The following LRRTM3 variants were observed in gnomAD, a reference collection of about 807,000 sequenced individuals.
The protein encoded by LRRTM3 is leucine-rich repeat transmembrane neuronal protein 3.
A neutral mutation model predicts 44.7 loss-of-function variants in LRRTM3; 24 were observed. The ratio of observed to expected loss-of-function variants is 0.54; its 90% confidence interval spans 0.39 to 0.76. The LOEUF (loss-of-function observed/expected upper bound fraction) is 0.76, where lower values mean the gene tolerates loss of function less well. LRRTM3 is among the 30% of genes least tolerant of loss of function. LRRTM3 has a pLI of 0.00. For missense variants in LRRTM3, 587 were observed against 702.2 expected (o/e 0.84, Z 1.85); for synonymous variants, 277 against 278.7 (o/e 0.99, Z 0.06).
chr10:66,939,216 T>C (rs1847875293), intron 2 of LRRTM3, among the ~76,000 whole-genome samples: 1 of 152,208 alleles, frequency 6.6e-6, no homozygotes, highest in Non-Finnish European at 1.5e-5. Context: ...GCATGTTAGA[T>C]CATACAGAAC....
At chr10:67,048,904 T>C (rs938940528) in intron 2 of LRRTM3, among the ~76,000 whole-genome samples, 6 of 152,162 alleles carry the variant, frequency 3.9e-5, no homozygotes, top group Non-Finnish European at 1.5e-5. Context: ...CTGCTGAAGT[T>C]TCACTCATAC....
rs553195497 is a variant in LRRTM3, at chr10:66,961,554, G to T, written c.1536+33102G>T. Among the ~76,000 whole-genome samples the T allele has an allele frequency of 1.8e-3, 278 of 152,060 alleles. 1 individual carries two copies. The highest frequency in any genetic ancestry group is 3.5e-3 in the Non-Finnish European group (240 of 67,966). ...ACCTCTTAATGTTGGGGTGTCCCAG[G>T]TTAGCCCTTGGACCTTCTCTTTTGT... On this transcript the variant is annotated intron_variant, in intron 2 of 2. Transcript: ENST00000361320.
chr10:67,054,393 T>A (rs1420580101), intron 2 of LRRTM3, among the ~76,000 whole-genome samples: 5 of 152,162 alleles, frequency 3.3e-5, no homozygotes, highest in Non-Finnish European at 7.4e-5. Flanking sequence ...AAGTGACCAA[T>A]GAGGACAGCA....
chr10:67,024,220 A>G (rs1295918402), intron 2 of LRRTM3, among the ~76,000 whole-genome samples: 2 of 152,160 alleles, frequency 1.3e-5, no homozygotes, highest in Non-Finnish European at 1.5e-5. Context: ...CAAAGCCAGC[A>G]ATGTGGCATC....
intron 2 of LRRTM3, among the ~76,000 whole-genome samples, chr10:67,068,310 C>T (rs1856218254): frequency 6.6e-6 from 1 of 152,000 alleles, no homozygotes; most frequent in African/African-American, 2.4e-5. Flanking sequence ...TAGATGGTGA[C>T]ACTATTTTCA....
rs375682153 is a variant in LRRTM3 at position 67,003,253 on chromosome 10, G to A, written c.1536+74801G>A. On this transcript the variant is annotated intron_variant, in intron 2 of 2. Coordinates refer to ENST00000361320, the MANE Select transcript of LRRTM3 (RefSeq NM_178011.5). ...ATATTGGGGAATAAACGAAATTAAT[G>A]TCCATGACTTCCTGACCATTTTGGC... Among the ~76,000 whole-genome samples the A allele has an allele frequency of 3.3e-5, 5 of 152,246 alleles. No homozygotes were observed. In the South Asian group the frequency reaches 6.2e-4, roughly 19 times the overall value.
chr10:66,959,083 T>C (rs1348591036), intron 2 of LRRTM3, among the ~76,000 whole-genome samples: 1 of 152,140 alleles, frequency 6.6e-6, no homozygotes, highest in African/African-American at 2.4e-5. Flanking sequence ...ACAGGGTAGA[T>C]GTTGAAAAAA....
At chr10:67,078,497 A>T (rs894093776) in intron 2 of LRRTM3, among the ~76,000 whole-genome samples, 4 of 151,216 alleles carry the variant, frequency 2.6e-5, no homozygotes, top group Admixed American at 1.3e-4. Context: ...TGATTTATAA[A>T]TTTTTTTCTG....
intron 2 of LRRTM3, among the ~76,000 whole-genome samples, chr10:66,987,867 A>G (rs912982649): frequency 1.3e-5 from 2 of 152,186 alleles, no homozygotes; most frequent in African/African-American, 2.4e-5. Flanking sequence ...TTAGTTTACA[A>G]TGAATTAAAG....
chr10:67,038,663 G>C (rs1486666334), intron 2 of LRRTM3, among the ~76,000 whole-genome samples: 5 of 152,136 alleles, frequency 3.3e-5, no homozygotes, highest in African/African-American at 9.6e-5. Context: ...ACCAAGAATT[G>C]CTTACAAAAT....
chr10:67,051,356 C>T (rs193256535), intron 2 of LRRTM3, among the ~76,000 whole-genome samples: 19 of 152,308 alleles, frequency 1.2e-4, no homozygotes, highest in African/African-American at 4.6e-4. Context: ...TTAGTAGCCA[C>T]CAAAAGATAT....
chr10:67,053,916 A>G (rs1156783588), intron 2 of LRRTM3, among the ~76,000 whole-genome samples: 1 of 152,120 alleles, frequency 6.6e-6, no homozygotes. Flanking sequence ...TTACCTCCCA[A>G]ATGGTCAATG....
intron 2 of LRRTM3, among the ~76,000 whole-genome samples, chr10:66,993,706 A>C (rs928959257): frequency 6.6e-6 from 1 of 151,922 alleles, no homozygotes; most frequent in Admixed American, 6.6e-5. Context: ...AAAAAAAAAA[A>C]AAACAGATAA....
chr10:66,998,489 T>G (rs1851486755), intron 2 of LRRTM3, among the ~76,000 whole-genome samples: 2 of 152,180 alleles, frequency 1.3e-5, no homozygotes, highest in Non-Finnish European at 2.9e-5. Flanking sequence ...TATATTTTTA[T>G]GCTTTTTGCA....
At chr10:66,978,520 C>T in intron 2 of LRRTM3, among the ~76,000 whole-genome samples, 2 of 52,064 alleles carry the variant, frequency 3.8e-5, no homozygotes, top group South Asian at 1.9e-3. Flanking sequence ...GAGTGAGACT[C>T]CATCTCAAAA....
chr10:66,926,321 A>G lies in LRRTM3; in HGVS notation c.-263A>G, dbSNP rs990513025. On this transcript the variant is annotated 5_prime_UTR_variant, in exon 1 of 3. Coordinates refer to ENST00000361320, the MANE Select transcript of LRRTM3 (RefSeq NM_178011.5). ...AAAACTGTAAAGATGCAAAAACGTAATATCCATGAAGATCCTATTACCTAG... is the reference window on the plus strand; with the variant it reads ...AAAACTGTAAAGATGCAAAAACGTAGTATCCATGAAGATCCTATTACCTAG... The G allele has an allele frequency of 8.8e-6, 5 of 566,732 alleles. No individual in the cohort carries two copies. The highest frequency in any genetic ancestry group is 3.1e-5 in the Admixed American group (1 of 32,778). The allele number at this position is 566,732 out of a possible 1,614,324, so 35.1% of individuals were successfully genotyped here.
intron 2 of LRRTM3, among the ~76,000 whole-genome samples, chr10:66,965,244 G>A (rs902475911): frequency 6.6e-6 from 1 of 151,874 alleles, no homozygotes; most frequent in Non-Finnish European, 1.5e-5. Flanking sequence ...TTTTTTGTTT[G>A]TTTGTTTTTT....
At chr10:66,963,199 C>CTA (rs1849214686) in intron 2 of LRRTM3, among the ~76,000 whole-genome samples, 1 of 152,130 alleles carries the variant, frequency 6.6e-6, no homozygotes, top group Non-Finnish European at 1.5e-5. Flanking sequence ...GGCTCACAAC[C>CTA]ACATGGGACA....
chr10:66,926,904 GTTGTTT>G lies in LRRTM3; in HGVS notation c.5-14_5-9del. Reference sequence around the variant, plus strand: ...TTTTTTGGGGGGATAACTTTTCTAAGTTGTTTTTATTTCCAGGTTTCAATGTAATTA... The same window carrying G: ...TTTTTTGGGGGGATAACTTTTCTAAGTTATTTCCAGGTTTCAATGTAATTA... On this transcript the variant is annotated splice_polypyrimidine_tract_variant and intron_variant, in intron 1 of 2. Coordinates refer to ENST00000361320, the MANE Select transcript of LRRTM3 (RefSeq NM_178011.5). 6.5e-7 allele frequency: 1 copy of G among 1,543,044 alleles called. No homozygotes were observed. The highest frequency in any genetic ancestry group is 8.7e-7 in the Non-Finnish European group (1 of 1,148,124).
Sources: allele counts gnomAD v4.1 joint callset (sites outside exome capture counted in the v4.1 genomes callset), GRCh38; gene constraint gnomAD v4.1.1; transcripts MANE v1.5; gene names NCBI Gene and HGNC (gene_info 2026-07-23, HGNC 2026-07-21).